The following CCM2 variants were observed in gnomAD, a reference collection of about 807,000 sequenced individuals.
CCM2 encodes CCM2 scaffold protein.
In CCM2, 25 loss-of-function variants were observed where a neutral mutation model predicts 44.9. That is an observed-to-expected ratio of 0.56 (90% CI 0.41 to 0.78). CCM2 has a LOEUF of 0.78. CCM2 is among the 30% of genes least tolerant of loss of function. The probability of loss-of-function intolerance (pLI) is 0.00; values close to 1 mark genes in which losing one functional copy is unlikely to be tolerated. For missense variants in CCM2, 481 were observed against 580.6 expected, an observed-to-expected ratio of 0.83 and a Z score of 1.76; for synonymous variants, 219 against 241.1, an observed-to-expected ratio of 0.91 and a Z score of 0.85.
At chr7:45,026,035 T>C (rs1796677249) in intron 1 of CCM2, among the ~76,000 whole-genome samples, 1 of 152,098 alleles carries the variant, frequency 6.6e-6, no homozygotes, top group Admixed American at 6.6e-5. Flanking sequence ...AGCATGTGGG[T>C]TTTCTTTTTA....
At chr7:45,016,908 C>G (rs1165852955) in intron 1 of CCM2, among the ~76,000 whole-genome samples, 2 of 152,180 alleles carry the variant, frequency 1.3e-5, no homozygotes, top group Non-Finnish European at 1.5e-5. Context: ...GCTAGGATTA[C>G]AGGCGTGAGC....
intron 2 of CCM2, among the ~76,000 whole-genome samples, chr7:45,047,317 G>C (rs1797804322): frequency 6.6e-6 from 1 of 152,210 alleles, no homozygotes; most frequent in Admixed American, 6.5e-5. Flanking sequence ...ACAACTCCAT[G>C]TCCTTTGGTG....
At position 45,025,402 on chromosome 7, in the gene CCM2, CCCCGCAGTT is replaced by C. The variant is rs536528686; in HGVS notation, c.31-12849_31-12841del. ...TCAGCAGCAGGCAGGCATTGGCCAA[CCCCGCAGTT>C]CTCCTTCACATCATTCTTTGGGCTC... On this transcript the variant is annotated intron_variant, in intron 1 of 9. Coordinates refer to ENST00000258781, the MANE Select transcript of CCM2 (RefSeq NM_031443.4). 2.9e-3 allele frequency among the ~76,000 whole-genome samples: 442 copies of C among 152,316 alleles called. 4 individuals are homozygous for C. The highest frequency in any genetic ancestry group is 0.01 in the African/African-American group (430 of 41,548).
chr7:45,068,330 G>T, intron 4 of CCM2, 113 bp from the exon 5 acceptor site: 1 of 1,401,426 alleles, frequency 7.1e-7, no homozygotes, highest in Non-Finnish European at 1.0e-6. Flanking sequence ...GTGGGTGCCT[G>T]AGCCAGGTAA....
intron 2 of CCM2, among the ~76,000 whole-genome samples, chr7:45,043,500 G>A (rs1323773059): frequency 2.6e-5 from 4 of 151,972 alleles, no homozygotes; most frequent in East Asian, 3.9e-4. Flanking sequence ...AGGATGCAAG[G>A]CTGGTTTGAT....
At chr7:45,027,690 A>G (rs886527726) in intron 1 of CCM2, 1 of 1,614,114 alleles carries the variant, frequency 6.2e-7, no homozygotes, top group Admixed American at 1.7e-5. Context: ...CAACAAATTC[A>G]GAAGTGAGTA....
chr7:45,073,613 G>C (rs1189178551), intron 8 of CCM2, 42 bp downstream of exon 8: 3 of 1,430,816 alleles, frequency 2.1e-6, no homozygotes, highest in Non-Finnish European at 2.9e-6. Context: ...ATGAGGGAGG[G>C]GGTGCCCCAG....
At chr7:45,031,837 GT>G (rs1386166805) in intron 1 of CCM2, among the ~76,000 whole-genome samples, 2 of 152,172 alleles carry the variant, frequency 1.3e-5, no homozygotes, top group Non-Finnish European at 2.9e-5. Flanking sequence ...CTCCCAAAGT[GT>G]TGGGATTACA....
intron 2 of CCM2, among the ~76,000 whole-genome samples, chr7:45,059,451 A>G (rs1049498876): frequency 2.6e-5 from 4 of 151,128 alleles, no homozygotes; most frequent in Admixed American, 1.3e-4. Context: ...GAAAGAAAAA[A>G]CAAAAAATAC....
chr7:45,072,085 CA>C (rs1374259445), intron 6 of CCM2: 1 of 352,420 alleles, frequency 2.8e-6, no homozygotes, highest in Non-Finnish European at 5.6e-6. Flanking sequence ...GCCTCGCTCA[CA>C]AAGCTTTCAC....
chr7:45,045,121 A>G (rs961317230), intron 2 of CCM2, among the ~76,000 whole-genome samples: 1 of 152,196 alleles, frequency 6.6e-6, no homozygotes, highest in African/African-American at 2.4e-5. Flanking sequence ...AACTTATTCA[A>G]CAAATATATG....
intron 2 of CCM2, among the ~76,000 whole-genome samples, chr7:45,047,710 G>C (rs1258063760): frequency 6.6e-6 from 1 of 152,174 alleles, no homozygotes. Flanking sequence ...GGGGTGGAGA[G>C]AAGTAGGTGT....
At chr7:45,061,543 C>T (rs142544568) in intron 2 of CCM2, among the ~76,000 whole-genome samples, 7 of 149,806 alleles carry the variant, frequency 4.7e-5, no homozygotes, top group African/African-American at 1.7e-4. Flanking sequence ...TCATGACTCA[C>T]TGCAGCCTCA....
chr7:45,011,184 A>C lies in CCM2; in HGVS notation c.30+10821A>C, dbSNP rs906770825. Among the ~76,000 whole-genome samples, 32 of 150,094 alleles carry C rather than the reference A, an allele frequency of 2.1e-4. 1 individual carries two copies. The highest frequency in any genetic ancestry group is 1.4e-3 in the Admixed American group (22 of 15,176). On this transcript the variant is annotated intron_variant, in intron 1 of 9. Transcript: ENST00000258781. ...GTAGTTAGGACGATAGGTGTGTGCC[A>C]CTATGCCCAGCTAAATTTTTTTTTT...
chr7:45,035,157 C>T (rs1223264069), intron 1 of CCM2, among the ~76,000 whole-genome samples: 1 of 152,222 alleles, frequency 6.6e-6, no homozygotes, highest in East Asian at 1.9e-4. Flanking sequence ...TCTGTCCCCT[C>T]TGTGGTTCGT....
chr7:45,019,861 T>TC (rs1428300619), intron 1 of CCM2, among the ~76,000 whole-genome samples: 6 of 152,150 alleles, frequency 3.9e-5, no homozygotes, highest in Admixed American at 6.5e-5. Flanking sequence ...AGGCATGAGC[T>TC]CCCGCACCCA....
At chr7:45,063,390 C>A (rs1798615937) in intron 2 of CCM2, among the ~76,000 whole-genome samples, 1 of 152,168 alleles carries the variant, frequency 6.6e-6, no homozygotes, top group African/African-American at 2.4e-5. Context: ...TCTTAAAGGC[C>A]CCACCCTTAA....
chr7:45,073,497 C>T lies in CCM2; in HGVS notation c.841C>T (p.Pro281Ser), dbSNP rs1583993077. 1.2e-6 allele frequency: 2 copies of T among 1,613,266 alleles called. No individual in the cohort carries two copies. Among genetic ancestry groups the T allele is most frequent in the Non-Finnish European group, 1.7e-6 (2 of 1,179,960 alleles). The change falls in exon 8 of 10, where the codon CCC becomes TCC. Residue 281 changes from proline to serine, a missense_variant. Pro to Ser is a moderately conservative substitution (Grantham distance 74). Coordinates refer to ENST00000258781, the MANE Select transcript of CCM2 (RefSeq NM_031443.4). ...PESVDVGGAS[P>S]HSKTISESEL... ...ATCTGTGGATGTGGGTGGTGCATCACCCCACAGCAAGACCATCAGTGAGAG... is the reference window on the plus strand; with the variant it reads ...ATCTGTGGATGTGGGTGGTGCATCATCCCACAGCAAGACCATCAGTGAGAG...
chr7:45,027,305 G>A, intron 1 of CCM2: 1 of 342,312 alleles, frequency 2.9e-6, no homozygotes, highest in South Asian at 2.4e-5. Flanking sequence ...ACGGCCTGTT[G>A]TCTCCAGGAA....
Sources: gnomAD v4.1 joint callset for allele counts (sites outside exome capture counted in the v4.1 genomes callset) on GRCh38, gnomAD v4.1.1 for gene constraint, MANE v1.5 for transcripts, NCBI Gene and HGNC (gene_info 2026-07-23, HGNC 2026-07-21) for gene names.